CDKN2B-AS1: variants seen among roughly 807,000 people sequenced by gnomAD.
CDKN2B-AS1 encodes CDKN2B and CDKN2A antisense cis and trans regulatory RNA 1.
At chr9:22,075,831 A>G (rs1400592079) in intron 4 of CDKN2B-AS1, among the ~76,000 whole-genome samples, 1 of 152,180 alleles carries the variant, frequency 6.6e-6, no homozygotes, top group East Asian at 1.9e-4. Flanking sequence ...AATACATCCC[A>G]GAAATGAACC....
At chr9:22,108,881 G>T (rs1184146023) in intron 4 of CDKN2B-AS1, among the ~76,000 whole-genome samples, 1 of 152,036 alleles carries the variant, frequency 6.6e-6, no homozygotes, top group Non-Finnish European at 1.5e-5. Context: ...AAGCCGTTTT[G>T]CTTGTTACAA....
rs952655073 is a variant in CDKN2B-AS1, at chr9:22,005,419, G to A, written n.29+10258G>A. The A allele has an allele frequency of 2.0e-5, 5 of 246,280 alleles. No homozygotes were observed. Among genetic ancestry groups the A allele is most frequent in the Admixed American group, 5.0e-5 (1 of 20,080 alleles). The allele number at this position is 246,280 out of a possible 1,614,324, so 15.3% of individuals were successfully genotyped here. On this transcript the variant is annotated intron_variant and non_coding_transcript_variant, in intron 1 of 4. Transcript: ENST00000650946. The surrounding 1 kb of genome is among the most constrained non-coding windows in gnomAD (Gnocchi z 4.9). Reference sequence around the variant, plus strand: ...GTCGTTTACGCATGTGACTTGCCATGCGCTCAAACTAAAGCGCCGCCGGGG... The same window carrying A: ...GTCGTTTACGCATGTGACTTGCCATACGCTCAAACTAAAGCGCCGCCGGGG...
intron 4 of CDKN2B-AS1, among the ~76,000 whole-genome samples, chr9:22,082,532 G>C (rs1250445318): frequency 1.3e-5 from 2 of 152,162 alleles, no homozygotes; most frequent in African/African-American, 2.4e-5. Flanking sequence ...TCCAAAATTT[G>C]TTGAATGAAG....
chr9:22,015,271 GT>G (rs1821693863), intron 1 of CDKN2B-AS1, among the ~76,000 whole-genome samples: 1 of 152,088 alleles, frequency 6.6e-6, no homozygotes, highest in South Asian at 2.1e-4. Flanking sequence ...TCCAGCACCT[GT>G]TTTTTCCTGA....
intron 1 of CDKN2B-AS1, among the ~76,000 whole-genome samples, chr9:21,998,470 G>C (rs1820782560): frequency 6.6e-6 from 1 of 152,200 alleles, no homozygotes. Context: ...GGAATCATCA[G>C]GCAGGCCTTT....
In CDKN2B-AS1 at chr9:22,001,107, C is replaced by T. The variant is rs1296202095; in HGVS notation, n.29+5946C>T. ...TAAAATGGAATGGAGACCCAGAGGT[C>T]ACATAAGACAGGGTTCAGAGGAAGT... On this transcript the variant is annotated intron_variant and non_coding_transcript_variant, in intron 1 of 4. Transcript: ENST00000650946. The surrounding 1 kb of genome is among the most constrained non-coding windows in gnomAD (Gnocchi z 4.2). 6.6e-6 allele frequency among the ~76,000 whole-genome samples: 1 copy of T among 152,068 alleles called. No homozygotes were observed. The highest frequency in any genetic ancestry group is 2.4e-5 in the African/African-American group (1 of 41,402).
At position 22,110,933 on chromosome 9, in the gene CDKN2B-AS1, T is replaced by C. The variant is rs540441819; in HGVS notation, n.439-16170T>C. On this transcript the variant is annotated intron_variant and non_coding_transcript_variant, in intron 4 of 4. Coordinates refer to ENST00000650946, the Ensembl canonical transcript of CDKN2B-AS1. ...ATTTGATGTAAATGTAATCCTATAG[T>C]ATGAATTTTCTAAGACTTGATTAAT... Among the ~76,000 whole-genome samples the C allele has an allele frequency of 8.5e-5, 13 of 152,254 alleles. No homozygotes were observed. The South Asian group carries it at 2.3e-3, about 27-fold the overall frequency.
chr9:22,035,126 T>C, intron 1 of CDKN2B-AS1, among the ~76,000 whole-genome samples: 1 of 152,288 alleles, frequency 6.6e-6, no homozygotes, highest in East Asian at 1.9e-4. Context: ...ATTCTTATCA[T>C]TACTGTATTA....
At chr9:22,095,593 G>A (rs1223882475) in intron 4 of CDKN2B-AS1, among the ~76,000 whole-genome samples, 1 of 150,958 alleles carries the variant, frequency 6.6e-6, no homozygotes. Context: ...TTCTGTAGAT[G>A]TCTATTAGGT....
chr9:22,104,574 C>T (rs928431931), intron 4 of CDKN2B-AS1, among the ~76,000 whole-genome samples: 1 of 152,184 alleles, frequency 6.6e-6, no homozygotes, highest in Admixed American at 6.5e-5. Flanking sequence ...AAATCTCTAC[C>T]ACCGTACCTC....
At chr9:22,118,688 T>G (rs1318672813) in intron 4 of CDKN2B-AS1, 1 of 152,184 alleles carries the variant, frequency 6.6e-6, no homozygotes, top group African/African-American at 2.4e-5. Flanking sequence ...ATAAGAAGAA[T>G]AAAACTTAAT....
intron 4 of CDKN2B-AS1, among the ~76,000 whole-genome samples, chr9:22,098,810 C>T (rs1825380459): frequency 6.6e-6 from 1 of 152,204 alleles, no homozygotes; most frequent in African/African-American, 2.4e-5. Context: ...GTACTTTCCC[C>T]TACACTGTGC....
intron 3 of CDKN2B-AS1, among the ~76,000 whole-genome samples, chr9:22,052,634 C>T (rs1223869907): frequency 3.3e-5 from 5 of 152,200 alleles, no homozygotes; most frequent in Admixed American, 3.3e-4. Flanking sequence ...TTCATCAAAA[C>T]TCGTAGAATT....
intron 4 of CDKN2B-AS1, among the ~76,000 whole-genome samples, chr9:22,121,812 T>C (rs1361204280): frequency 6.6e-6 from 1 of 152,184 alleles, no homozygotes; most frequent in Non-Finnish European, 1.5e-5. Flanking sequence ...GATGCCTGGA[T>C]TGATTCTATA....
rs1824336150 is a variant in CDKN2B-AS1 at position 22,072,494 on chromosome 9, C to A, written n.438+16107C>A. 2.6e-5 allele frequency among the ~76,000 whole-genome samples: 4 copies of A among 152,276 alleles called. No individual in the cohort carries two copies. The South Asian group carries it at 8.3e-4, about 32-fold the overall frequency. On this transcript the variant is annotated intron_variant and non_coding_transcript_variant, in intron 4 of 4. Coordinates refer to ENST00000650946, the Ensembl canonical transcript of CDKN2B-AS1. ...TCCATTTCATCTCTAATAATTTTTG[C>A]CTGTGTGCGCCTGCACATGTAGCTT...
At chr9:22,074,947 G>C (rs917563989) in intron 4 of CDKN2B-AS1, among the ~76,000 whole-genome samples, 5 of 152,192 alleles carry the variant, frequency 3.3e-5, no homozygotes, top group African/African-American at 1.2e-4. Context: ...TATACCATTG[G>C]TGGTGGAAGA....
At chr9:22,008,538 T>TCCTTG in intron 1 of CDKN2B-AS1, 1 of 845,148 alleles carries the variant, frequency 1.2e-6, no homozygotes, top group Non-Finnish European at 1.8e-6. Flanking sequence ...TCTCCCCAAT[T>TCCTTG]CAGTCTATTC....
At chr9:22,004,780 G>A (rs1184878685) in intron 1 of CDKN2B-AS1, 1 of 232,852 alleles carries the variant, frequency 4.3e-6, no homozygotes, top group African/African-American at 2.2e-5. Flanking sequence ...ATAATTTACT[G>A]CATAAGTGCA....
At position 22,006,219 on chromosome 9, in the gene CDKN2B-AS1, G is replaced by A. The variant is rs1204549439; in HGVS notation, n.29+11058G>A. The stretch of plus-strand genomic sequence containing the variant: ...CGCGCCGTGGAGCAGCAGCAGCTCC[G>A]CCACGCGGGCGCTGCCCATCATCAT... On this transcript the variant is annotated intron_variant and non_coding_transcript_variant, in intron 1 of 4. Coordinates refer to ENST00000650946, the Ensembl canonical transcript of CDKN2B-AS1. This position sits in a 1 kb window ranked among gnomAD's most constrained non-coding sequence, Gnocchi z 6.4. 12 of 1,607,012 alleles carry A rather than the reference G, an allele frequency of 7.5e-6. No individual in the cohort carries two copies. Among genetic ancestry groups the A allele is most frequent in the East Asian group, 6.7e-5 (3 of 44,874 alleles).
Sources: gnomAD v4.1 joint callset for allele counts (sites outside exome capture counted in the v4.1 genomes callset) on GRCh38, gnomAD v4.1.1 for gene constraint, Gnocchi (gnomAD v3.1) non-coding constraint, MANE v1.5 for transcripts, NCBI Gene and HGNC (gene_info 2026-07-23, HGNC 2026-07-21) for gene names.